The following ULK4 variants were observed in gnomAD, a reference collection of about 807,000 sequenced individuals.
ULK4 encodes the protein unc-51 like kinase 4, also known as inactive serine/threonine-protein kinase ULK4.
Under a neutral mutation model 160.6 loss-of-function variants are expected in ULK4, and 133 were observed. That is an observed-to-expected ratio of 0.83 (90% CI 0.72 to 0.96). The LOEUF (loss-of-function observed/expected upper bound fraction) is 0.96, where lower values mean the gene tolerates loss of function less well. Ranked by LOEUF, ULK4 falls within the 40% of genes least tolerant of loss-of-function variation. The probability of loss-of-function intolerance (pLI) is 0.00; values close to 1 mark genes in which losing one functional copy is unlikely to be tolerated. For synonymous variants in ULK4, 534 were observed against 539.8 expected (o/e 0.99, Z 0.15); for missense variants, 1,580 against 1,499.5 (o/e 1.05, Z -0.89).
chr3:41,254,443 A>T (rs2078794794), intron 35 of ULK4, among the ~76,000 whole-genome samples: 3 of 152,242 alleles, frequency 2.0e-5, no homozygotes, highest in African/African-American at 7.2e-5. Flanking sequence ...TCTTAGCTGA[A>T]TGAAAATGAC....
chr3:41,793,608 A>AG (rs747051943), intron 20 of ULK4, among the ~76,000 whole-genome samples: 10 of 152,132 alleles, frequency 6.6e-5, no homozygotes, highest in Non-Finnish European at 1.2e-4. Flanking sequence ...CTCCAACCCT[A>AG]GTGAGAACCA....
chr3:41,431,564 A>C, intron 34 of ULK4, among the ~76,000 whole-genome samples: 1 of 30,330 alleles, frequency 3.3e-5, no homozygotes, highest in African/African-American at 2.6e-4. Context: ...TTTTTTTTTG[A>C]TGTGGAAAGA....
At chr3:41,876,006 G>A (rs1019636502) in intron 17 of ULK4, among the ~76,000 whole-genome samples, 14 of 150,132 alleles carry the variant, frequency 9.3e-5, no homozygotes, top group South Asian at 2.1e-4. Flanking sequence ...CTAATGAAGC[G>A]TCCAGACCTA....
chr3:41,750,668 C>G (rs56237519), intron 22 of ULK4, among the ~76,000 whole-genome samples: 1 of 151,982 alleles, frequency 6.6e-6, no homozygotes, highest in African/African-American at 2.4e-5. Context: ...AAAATTCCTT[C>G]TTTGTCTCTT....
At chr3:41,324,738 C>A (rs1403205729) in intron 35 of ULK4, among the ~76,000 whole-genome samples, 3 of 152,190 alleles carry the variant, frequency 2.0e-5, no homozygotes, top group Non-Finnish European at 4.4e-5. Context: ...CACCTTCTCT[C>A]TCTGGGCCTC....
chr3:41,555,573 G>A (rs1688778027), intron 32 of ULK4, among the ~76,000 whole-genome samples: 1 of 152,134 alleles, frequency 6.6e-6, no homozygotes, highest in Admixed American at 6.5e-5. Context: ...ACTGTTGGTG[G>A]GAGTGTAAAT....
intron 35 of ULK4, among the ~76,000 whole-genome samples, chr3:41,357,224 A>T (rs1483689289): frequency 5.9e-5 from 9 of 152,196 alleles, no homozygotes; most frequent in Non-Finnish European, 1.3e-4. Flanking sequence ...TGATAAAGAA[A>T]ATAAATACTT....
chr3:41,699,906 C>A lies in ULK4; in HGVS notation c.2781+5151G>T, dbSNP rs187025836. Among the ~76,000 whole-genome samples the A allele has an allele frequency of 1.5e-3, 228 of 152,280 alleles. 2 individuals are homozygous for A. Among genetic ancestry groups the A allele is most frequent in the African/African-American group, 5.3e-3 (222 of 41,564 alleles). On this transcript the variant is annotated intron_variant, in intron 27 of 36. Transcript: ENST00000301831. ...TACAATAATTAGTATGCTTGCATTT[C>A]ATATGATTAGAAAATTAATTTCTAT...
chr3:41,952,158 G>A (rs556695152), intron 2 of ULK4, among the ~76,000 whole-genome samples: 88 of 151,960 alleles, frequency 5.8e-4, no homozygotes, highest in Non-Finnish European at 1.1e-3. Context: ...TTGGATATTT[G>A]CGTAAGACAC....
intron 19 of ULK4, among the ~76,000 whole-genome samples, chr3:41,800,625 A>G (rs1420903979): frequency 6.6e-6 from 1 of 152,226 alleles, no homozygotes; most frequent in African/African-American, 2.4e-5. Flanking sequence ...CAAAATAACT[A>G]TAACATAAAA....
chr3:41,390,104 G>T (rs1334179242), intron 35 of ULK4, among the ~76,000 whole-genome samples: 1 of 152,112 alleles, frequency 6.6e-6, no homozygotes, highest in Non-Finnish European at 1.5e-5. Context: ...GTCTTGGGAG[G>T]TGTATGTGTC....
intron 34 of ULK4, among the ~76,000 whole-genome samples, chr3:41,417,001 TG>T (rs988891364): frequency 2.0e-5 from 3 of 152,314 alleles, no homozygotes; most frequent in Admixed American, 2.0e-4. Context: ...AAGGATGCCA[TG>T]GTACAGCCCT....
At chr3:41,689,657 A>G (rs2036217465) in intron 27 of ULK4, among the ~76,000 whole-genome samples, 1 of 152,284 alleles carries the variant, frequency 6.6e-6, no homozygotes, top group Non-Finnish European at 1.5e-5. Flanking sequence ...TCTCAAAAGA[A>G]GACATTTATG....
chr3:41,760,771 C>T (rs1402428016), intron 21 of ULK4, among the ~76,000 whole-genome samples: 1 of 152,190 alleles, frequency 6.6e-6, no homozygotes, highest in African/African-American at 2.4e-5. Context: ...TCCAAAAACA[C>T]TGAAATCTGA....
At chr3:41,937,022 AAAT>A in intron 3 of ULK4, 1 of 277,100 alleles carries the variant, frequency 3.6e-6, no homozygotes, top group Admixed American at 4.9e-5. Context: ...TGTGCCCCAT[AAAT>A]ATTAATACAC....
chr3:41,758,652 G>A (rs1158113508), intron 21 of ULK4, among the ~76,000 whole-genome samples: 9 of 152,104 alleles, frequency 5.9e-5, no homozygotes, highest in African/African-American at 9.7e-5. Context: ...TTGGGAGGCC[G>A]AAGCGGGTGG....
chr3:41,263,201 G>C (rs2078976790), intron 35 of ULK4, among the ~76,000 whole-genome samples: 1 of 152,204 alleles, frequency 6.6e-6, no homozygotes, highest in Non-Finnish European at 1.5e-5. Flanking sequence ...GTGAGGAACA[G>C]TGTATCTATC....
rs183794796 is a variant in ULK4 at position 41,873,634 on chromosome 3, A to G, written c.1656+10240T>C. Among the ~76,000 whole-genome samples, 211 of 152,126 alleles carry G rather than the reference A, an allele frequency of 1.4e-3. 9 individuals are homozygous for G. The South Asian group carries it at 0.033, about 24-fold the overall frequency. Reference sequence around the variant, plus strand: ...AGTTGTGCGATCTCAGCTCACTGCAACCTCTGCCTCCCGGGTTCAAGCGAT... The same window carrying G: ...AGTTGTGCGATCTCAGCTCACTGCAGCCTCTGCCTCCCGGGTTCAAGCGAT... On this transcript the variant is annotated intron_variant, in intron 17 of 36. Transcript: ENST00000301831.
At chr3:41,469,721 T>C (rs996303346) in intron 32 of ULK4, among the ~76,000 whole-genome samples, 4 of 139,500 alleles carry the variant, frequency 2.9e-5, no homozygotes, top group Non-Finnish European at 1.5e-5. Flanking sequence ...AATCATGATA[T>C]ATCCAAAAGA....
Sources: allele counts gnomAD v4.1 joint callset (sites outside exome capture counted in the v4.1 genomes callset), GRCh38; gene constraint gnomAD v4.1.1; transcripts MANE v1.5; gene names NCBI Gene and HGNC (gene_info 2026-07-23, HGNC 2026-07-21).